Variants in KIF6 observed in about 807,000 individuals in gnomAD.
KIF6 encodes the protein kinesin-like protein KIF6.
A neutral mutation model predicts 112.7 loss-of-function variants in KIF6; 106 were observed. That is an observed-to-expected ratio of 0.94 (90% CI 0.80 to 1.11). The LOEUF (loss-of-function observed/expected upper bound fraction) is 1.11. KIF6 is among the 50% of genes least tolerant of loss of function. The pLI, the probability that KIF6 is intolerant of heterozygous loss-of-function variation, is 0.00. For missense variants in KIF6, 929 were observed against 964.0 expected, an observed-to-expected ratio of 0.96 and a Z score of 0.48; for synonymous variants, 339 against 339.9, an observed-to-expected ratio of 1.00 and a Z score of 0.03.
At chr6:39,416,075 G>C (rs549433547) in intron 15 of KIF6, among the ~76,000 whole-genome samples, 8 of 152,234 alleles carry the variant, frequency 5.3e-5, no homozygotes, top group Non-Finnish European at 1.0e-4. Flanking sequence ...GGTCTGTGGA[G>C]GGATGAAGAG....
At chr6:39,344,433 G>A (rs189380414) in intron 21 of KIF6, among the ~76,000 whole-genome samples, 6 of 152,260 alleles carry the variant, frequency 3.9e-5, no homozygotes, top group Admixed American at 3.9e-4. Flanking sequence ...CTTAAACTCT[G>A]TCCCATGACC....
intron 3 of KIF6, among the ~76,000 whole-genome samples, chr6:39,696,841 T>C (rs752857712): frequency 1.3e-5 from 2 of 151,890 alleles, no homozygotes; most frequent in Non-Finnish European, 2.9e-5. Context: ...AGGAACCTCA[T>C]ACATGTTAGC....
At chr6:39,434,575 CAAAACAAAACAAA>C (rs929590224) in intron 13 of KIF6, among the ~76,000 whole-genome samples, 2 of 151,462 alleles carry the variant, frequency 1.3e-5, no homozygotes, top group Admixed American at 1.3e-4. Context: ...CATCTCAAAA[CAAAACAAAACAAA>C]AAAACAAAAC....
intron 13 of KIF6, among the ~76,000 whole-genome samples, chr6:39,500,551 G>T (rs1349629868): frequency 6.6e-6 from 1 of 152,186 alleles, no homozygotes; most frequent in Non-Finnish European, 1.5e-5. Flanking sequence ...TGGGGGTTTT[G>T]CTACTTACTA....
intron 13 of KIF6, among the ~76,000 whole-genome samples, chr6:39,534,260 C>T (rs554357533): frequency 1.3e-5 from 2 of 152,270 alleles, no homozygotes; most frequent in East Asian, 1.9e-4. Context: ...GATCAAACTA[C>T]TCTGAGCTAC....
intron 21 of KIF6, among the ~76,000 whole-genome samples, chr6:39,344,792 A>G (rs1055988431): frequency 2.0e-5 from 3 of 152,194 alleles, no homozygotes; most frequent in Non-Finnish European, 4.4e-5. Flanking sequence ...GTTGACCTCA[A>G]GGCAGAGATT....
chr6:39,537,031 ACT>A (rs1458795413), intron 13 of KIF6, among the ~76,000 whole-genome samples: 1 of 152,142 alleles, frequency 6.6e-6, no homozygotes, highest in African/African-American at 2.4e-5. Context: ...CATGCTAAAA[ACT>A]CTCAATAAAT....
intron 16 of KIF6, among the ~76,000 whole-genome samples, chr6:39,371,785 G>A (rs9296294): frequency 0.64 from 96,996 of 151,988 alleles, 31,217 homozygotes; most frequent in Non-Finnish European, 0.66. Flanking sequence ...GTAAGGAACC[G>A]CCCAATAAGG....
chr6:39,671,428 T>C (rs1786811098), intron 3 of KIF6, among the ~76,000 whole-genome samples: 1 of 152,206 alleles, frequency 6.6e-6, no homozygotes, highest in Non-Finnish European at 1.5e-5. Context: ...TTCCTAGTTA[T>C]CTCCGTGAGG....
Position 39,562,483 on chromosome 6 carries a change from G to C in KIF6, c.1181+15573C>G, listed in dbSNP as rs61581347. On this transcript the variant is annotated intron_variant, in intron 10 of 22. Transcript: ENST00000287152. ...CAGATAGGCCTTAGTTTTTGATACC[G>C]AACCACGCACACCAATTCTAGAATA... Among the ~76,000 whole-genome samples, 4 of 152,174 alleles carry C rather than the reference G, an allele frequency of 2.6e-5. No individual in the cohort carries two copies. The South Asian group carries it at 8.3e-4, about 32-fold the overall frequency.
chr6:39,521,117 A>T (rs1193260148), intron 13 of KIF6, among the ~76,000 whole-genome samples: 1 of 152,186 alleles, frequency 6.6e-6, no homozygotes, highest in Non-Finnish European at 1.5e-5. Flanking sequence ...CTCAAACTCC[A>T]GGGTGAAGGC....
chr6:39,566,095 A>T (rs980986558), intron 10 of KIF6, among the ~76,000 whole-genome samples: 2 of 152,156 alleles, frequency 1.3e-5, no homozygotes, highest in African/African-American at 4.8e-5. Context: ...TAGGGGAAAA[A>T]GTCTTCACCA....
intron 6 of KIF6, among the ~76,000 whole-genome samples, chr6:39,600,839 C>T (rs1399526809): frequency 6.6e-6 from 1 of 152,158 alleles, no homozygotes; most frequent in Admixed American, 6.6e-5. Flanking sequence ...GTTTCAAGTC[C>T]TGGTTCTGTC....
intron 19 of KIF6, 87 bp downstream of exon 19, chr6:39,357,190 G>A: frequency 1.3e-6 from 1 of 759,158 alleles, no homozygotes; most frequent in Non-Finnish European, 2.3e-6. Context: ...CTTATCAAGA[G>A]ACATGAGAGC....
chr6:39,423,798 T>G (rs1241504553), intron 14 of KIF6, among the ~76,000 whole-genome samples: 1 of 152,044 alleles, frequency 6.6e-6, no homozygotes, highest in Non-Finnish European at 1.5e-5. Flanking sequence ...CCATTCTCTA[T>G]CCTCAATATC....
rs1040599833 is a variant in KIF6, at chr6:39,445,571, G to A, written c.1646-14410C>T. Among the ~76,000 whole-genome samples, 4 of 152,166 alleles carry A rather than the reference G, an allele frequency of 2.6e-5. No individual in the cohort carries two copies. The South Asian group carries it at 8.3e-4, about 32-fold the overall frequency. On this transcript the variant is annotated intron_variant, in intron 13 of 22. Transcript: ENST00000287152. ...TAGCTCAGCACTGAGGGCATGGGAA[G>A]GCCAAAGTTTATGTTAAAAGGCAGG...
chr6:39,666,184 T>C (rs1164860510), intron 3 of KIF6, among the ~76,000 whole-genome samples: 3 of 152,214 alleles, frequency 2.0e-5, no homozygotes, highest in East Asian at 3.8e-4. Flanking sequence ...ACTTTGTTGG[T>C]AACACCTTAA....
At position 39,681,713 on chromosome 6, in the gene KIF6, C is replaced by T. The variant is rs944287756; in HGVS notation, c.251+32979G>A. 8.9e-4 allele frequency among the ~76,000 whole-genome samples: 136 copies of T among 152,212 alleles called. 1 individual carries two copies. The highest frequency in any genetic ancestry group is 3.0e-3 in the African/African-American group (125 of 41,544). ...CAGAACTCTTCCCTTCCCAATTCCA[C>T]GGAGAAATGGACAATAAGCAGTTTC... is the stretch of plus-strand genomic sequence containing the variant. On this transcript the variant is annotated intron_variant, in intron 3 of 22. Transcript: ENST00000287152.
At chr6:39,666,783 C>T (rs1227360028) in intron 3 of KIF6, among the ~76,000 whole-genome samples, 8 of 152,168 alleles carry the variant, frequency 5.3e-5, no homozygotes, top group Admixed American at 4.6e-4. Flanking sequence ...CATTTTTCGC[C>T]TGTGTTTTCA....
Sources: gnomAD v4.1 joint callset for allele counts (sites outside exome capture counted in the v4.1 genomes callset) on GRCh38, gnomAD v4.1.1 for gene constraint, MANE v1.5 for transcripts, NCBI Gene and HGNC (gene_info 2026-07-23, HGNC 2026-07-21) for gene names.